WASF3: variants seen among roughly 807,000 people sequenced by gnomAD.
The protein encoded by WASF3 is actin-binding protein WASF3.
Under a neutral mutation model 46.6 loss-of-function variants are expected in WASF3, and 11 were observed. That is an observed-to-expected ratio of 0.24 (90% CI 0.15 to 0.39). The LOEUF (loss-of-function observed/expected upper bound fraction) is 0.39. Among genes scored for constraint, WASF3 ranks in the 10% least tolerant of loss-of-function variants. The pLI is 1.00. For missense variants in WASF3, 576 were observed against 669.8 expected, an observed-to-expected ratio of 0.86 and a Z score of 1.55; for synonymous variants, 242 against 259.7, an observed-to-expected ratio of 0.93 and a Z score of 0.65.
At chr13:26,672,817 A>G (rs1344441183) in intron 6 of WASF3, among the ~76,000 whole-genome samples, 1 of 152,160 alleles carries the variant, frequency 6.6e-6, no homozygotes. Flanking sequence ...TAGGAGTGAC[A>G]GTTTGGTCTG....
At chr13:26,592,383 A>T (rs1880330162) in intron 1 of WASF3, among the ~76,000 whole-genome samples, 1 of 152,190 alleles carries the variant, frequency 6.6e-6, no homozygotes, top group African/African-American at 2.4e-5. Flanking sequence ...GTAACAAAAT[A>T]CCACAGACTG....
rs1881718129 is a variant in WASF3 at position 26,633,367 on chromosome 13, T to C, written c.-10-8894T>C. 5.3e-5 allele frequency among the ~76,000 whole-genome samples: 8 copies of C among 151,916 alleles called. No individual in the cohort carries two copies. The South Asian group carries it at 1.7e-3, about 32-fold the overall frequency. Reference sequence around the variant, plus strand: ...ACAGGCATGTGCCACCACGTCCGGCTAATTTTTTGTATTTTTAGTAGAGGT... The same window carrying C: ...ACAGGCATGTGCCACCACGTCCGGCCAATTTTTTGTATTTTTAGTAGAGGT... On this transcript the variant is annotated intron_variant, in intron 2 of 9. Coordinates refer to ENST00000335327, the MANE Select transcript of WASF3 (RefSeq NM_006646.6).
At chr13:26,683,192 C>G (rs73170116) in intron 9 of WASF3, among the ~76,000 whole-genome samples, 1 of 152,070 alleles carries the variant, frequency 6.6e-6, no homozygotes, top group Non-Finnish European at 1.5e-5. Context: ...GGGAAACAGC[C>G]GGGCGCGGTG....
intron 3 of WASF3, among the ~76,000 whole-genome samples, chr13:26,649,870 G>GACC (rs139756993): frequency 0.062 from 9,420 of 152,020 alleles, 781 homozygotes; most frequent in African/African-American, 0.19. Context: ...AGGAGTTCAA[G>GACC]ACCAGCCTGG....
At chr13:26,593,670 A>G (rs1225172804) in intron 1 of WASF3, among the ~76,000 whole-genome samples, 1 of 152,222 alleles carries the variant, frequency 6.6e-6, no homozygotes, top group Non-Finnish European at 1.5e-5. Context: ...AAAAACAAGG[A>G]ATTGTCTGCC....
At position 26,590,905 on chromosome 13, in the gene WASF3, T is replaced by C. The variant is rs529649934; in HGVS notation, c.-108-22056T>C. 1.2e-3 allele frequency among the ~76,000 whole-genome samples: 178 copies of C among 152,290 alleles called. 1 individual carries two copies. Among genetic ancestry groups the C allele is most frequent in the Non-Finnish European group, 1.4e-3 (93 of 68,022 alleles). ...TAGCATATTAGAAGATAATAGATGG[T>C]AATGGAGAGAACTAAATCATTTAAA... On this transcript the variant is annotated intron_variant, in intron 1 of 9. Coordinates refer to ENST00000335327, the MANE Select transcript of WASF3 (RefSeq NM_006646.6).
chr13:26,675,481 T>TACACACACAC (rs56162218), intron 6 of WASF3, among the ~76,000 whole-genome samples: 8 of 145,664 alleles, frequency 5.5e-5, no homozygotes, highest in African/African-American at 1.3e-4. Context: ...TAGACACACA[T>TACACACACAC]ACACACACAC....
chr13:26,611,871 G>A (rs942789633), intron 1 of WASF3, among the ~76,000 whole-genome samples: 10 of 151,306 alleles, frequency 6.6e-5, no homozygotes, highest in African/African-American at 1.2e-4. Flanking sequence ...GGATGGTTGC[G>A]GTCTTAACTA....
Position 26,658,013 on chromosome 13 carries a change from AG to A in WASF3, c.134-7014del, listed in dbSNP as rs141141835. ...AATAGGGTTAGGCATCGGACCTAGA[AG>A]CAAATGTTGCTTGTCCTTTTCTGCT... On this transcript the variant is annotated intron_variant, in intron 3 of 9. Transcript: ENST00000335327. Among the ~76,000 whole-genome samples the A allele has an allele frequency of 5.5e-3, 840 of 152,350 alleles. 3 individuals are homozygous for A. The highest frequency in any genetic ancestry group is 0.014 in the Middle Eastern group (4 of 294).
chr13:26,684,883 T>A (rs546516819), intron 9 of WASF3, among the ~76,000 whole-genome samples: 4 of 152,242 alleles, frequency 2.6e-5, no homozygotes, highest in Admixed American at 6.5e-5. Context: ...AATGAATGGA[T>A]ACCATCTTGG....
At chr13:26,619,856 G>A (rs972100527) in intron 2 of WASF3, among the ~76,000 whole-genome samples, 1 of 152,060 alleles carries the variant, frequency 6.6e-6, no homozygotes, top group Non-Finnish European at 1.5e-5. Context: ...ATGAATAGAA[G>A]CATCATATTA....
intron 2 of WASF3, among the ~76,000 whole-genome samples, chr13:26,633,200 C>CTTTTTTTGTTTTTTTTTTTTTTT (rs1881707462): frequency 1.1e-5 from 1 of 90,420 alleles, no homozygotes; most frequent in Non-Finnish European, 2.1e-5. Flanking sequence ...TTAGTTATTT[C>CTTTTTTTGTTTTTTTTTTTTTTT]TTTTTTTTTT....
intron 1 of WASF3, among the ~76,000 whole-genome samples, chr13:26,558,973 C>G (rs756457441): frequency 2.0e-5 from 3 of 152,180 alleles, no homozygotes; most frequent in Non-Finnish European, 4.4e-5. Flanking sequence ...ATTGACTAAT[C>G]TTTCTATTGT....
chr13:26,643,250 G>C (rs1470014318), intron 3 of WASF3, among the ~76,000 whole-genome samples: 2 of 151,942 alleles, frequency 1.3e-5, no homozygotes, highest in Non-Finnish European at 2.9e-5. Context: ...TTGGTGACAG[G>C]TTTTCACAGT....
At chr13:26,580,836 G>A (rs964693938) in intron 1 of WASF3, among the ~76,000 whole-genome samples, 3 of 151,402 alleles carry the variant, frequency 2.0e-5, no homozygotes, top group Non-Finnish European at 4.4e-5. Flanking sequence ...TGTTGGTCAG[G>A]TTGGTCTCGA....
intron 3 of WASF3, among the ~76,000 whole-genome samples, chr13:26,646,511 T>A (rs905561180): frequency 2.6e-5 from 4 of 152,132 alleles, no homozygotes; most frequent in Admixed American, 2.6e-4. Context: ...CCCACTTCAC[T>A]GCTCACCCCC....
At chr13:26,674,194 C>T (rs1043351583) in intron 6 of WASF3, among the ~76,000 whole-genome samples, 3 of 152,174 alleles carry the variant, frequency 2.0e-5, no homozygotes, top group Non-Finnish European at 4.4e-5. Flanking sequence ...GATTTGGAGG[C>T]TGAACCATGG....
intron 1 of WASF3, among the ~76,000 whole-genome samples, chr13:26,582,287 G>A (rs894334062): frequency 7.2e-5 from 11 of 152,172 alleles, no homozygotes; most frequent in Non-Finnish European, 1.3e-4. Flanking sequence ...TTTGGGGCCA[G>A]ACTGATTTGT....
intron 1 of WASF3, among the ~76,000 whole-genome samples, chr13:26,590,030 C>T (rs973276644): frequency 6.6e-6 from 1 of 152,204 alleles, no homozygotes; most frequent in Non-Finnish European, 1.5e-5. Flanking sequence ...CCCTTTGAAA[C>T]CAATTCTTTT....
Sources: gnomAD v4.1 joint callset for allele counts (sites outside exome capture counted in the v4.1 genomes callset) on GRCh38, gnomAD v4.1.1 for gene constraint, MANE v1.5 for transcripts, NCBI Gene and HGNC (gene_info 2026-07-23, HGNC 2026-07-21) for gene names.